CCDC171: variants seen among roughly 807,000 people sequenced by gnomAD.
The protein encoded by CCDC171 is coiled-coil domain-containing protein 171.
A neutral mutation model predicts 168.2 loss-of-function variants in CCDC171; 177 were observed. The ratio of observed to expected loss-of-function variants is 1.05; its 90% confidence interval spans 0.93 to 1.19. CCDC171 has a LOEUF of 1.19. Among genes scored for constraint, CCDC171 ranks in the 50% most tolerant of loss-of-function variants. CCDC171 has a pLI of 0.00. For missense variants in CCDC171, 1,991 were observed against 1,539.0 expected, an observed-to-expected ratio of 1.29 and a Z score of -4.91; for synonymous variants, 687 against 540.8, an observed-to-expected ratio of 1.27 and a Z score of -3.75.
At chr9:16,073,630 AC>A in the CCDC171 span, among the ~76,000 whole-genome samples, 1 of 152,182 alleles carries the variant, frequency 6.6e-6, no homozygotes, top group African/African-American at 2.4e-5. Context: ...AGAATGAGGG[AC>A]CAGAAGCTAA....
At chr9:15,636,538 C>T (rs1407174244) in intron 7 of CCDC171, among the ~76,000 whole-genome samples, 1 of 151,710 alleles carries the variant, frequency 6.6e-6, no homozygotes, top group Non-Finnish European at 1.5e-5. Flanking sequence ...CACTTGAGAC[C>T]AGGAGTTCAA....
intron 21 of CCDC171, among the ~76,000 whole-genome samples, chr9:15,804,790 C>T (rs527892209): frequency 2.8e-4 from 43 of 152,160 alleles, no homozygotes; most frequent in Non-Finnish European, 2.9e-5. Flanking sequence ...TGGGAGGAAT[C>T]TCTCCTCCTC....
rs141505129 is a variant in CCDC171, at chr9:15,652,832, A to G, written c.823-4295A>G. Among the ~76,000 whole-genome samples the G allele has an allele frequency of 4.7e-4, 72 of 152,250 alleles. 1 individual carries two copies. Among genetic ancestry groups the G allele is most frequent in the African/African-American group, 1.6e-3 (68 of 41,540 alleles). ...TCAAGATTGTCATGTTAACGTTTTG[A>G]TAAGTCTTTAGTAAAGAAAATTGTT... On this transcript the variant is annotated intron_variant, in intron 7 of 25. Coordinates refer to ENST00000380701, the MANE Select transcript of CCDC171 (RefSeq NM_173550.4).
At chr9:15,841,349 G>A (rs1019166934) in intron 21 of CCDC171, among the ~76,000 whole-genome samples, 2 of 152,012 alleles carry the variant, frequency 1.3e-5, no homozygotes, top group Admixed American at 1.3e-4. Context: ...AGAACAGTCT[G>A]TAATGACGTT....
chr9:15,744,851 T>C, intron 17 of CCDC171, 74 bp downstream of exon 17: 1 of 1,415,628 alleles, frequency 7.1e-7, no homozygotes, highest in South Asian at 1.4e-5. Flanking sequence ...CTGGCTATTA[T>C]GGAAAAACTC....
At chr9:15,953,504 T>C (rs1266320031) in intron 25 of CCDC171, among the ~76,000 whole-genome samples, 1 of 152,194 alleles carries the variant, frequency 6.6e-6, no homozygotes, top group Non-Finnish European at 1.5e-5. Context: ...TATGTTGAGC[T>C]CTCCTTGCAT....
chr9:15,958,838 G>T (rs1257650372), intron 25 of CCDC171, among the ~76,000 whole-genome samples: 1 of 152,062 alleles, frequency 6.6e-6, no homozygotes, highest in Admixed American at 6.6e-5. Context: ...CATAACAGAA[G>T]GTGTCACAGA....
At chr9:15,787,391 G>A (rs1402953191) in intron 21 of CCDC171, among the ~76,000 whole-genome samples, 1 of 151,930 alleles carries the variant, frequency 6.6e-6, no homozygotes, top group Non-Finnish European at 1.5e-5. Flanking sequence ...ACAGCTTCTG[G>A]TAATCACTTC....
chr9:16,095,869 CAT>C, the CCDC171 span, among the ~76,000 whole-genome samples: 26,700 of 123,558 alleles, frequency 0.22, 2,809 homozygotes, highest in Middle Eastern at 0.29. Context: ...CACATAGGCA[CAT>C]ATATATATAT....
At chr9:15,990,587 A>G (rs1444165306) in intron 3 of CCDC171, among the ~76,000 whole-genome samples, 1 of 152,192 alleles carries the variant, frequency 6.6e-6, no homozygotes, top group East Asian at 1.9e-4. Context: ...ATTAACCATA[A>G]ATGTAAATGG....
chr9:15,566,844 T>C (rs1220045155), intron 2 of CCDC171, among the ~76,000 whole-genome samples: 5 of 152,202 alleles, frequency 3.3e-5, no homozygotes, highest in African/African-American at 1.2e-4. Flanking sequence ...AGTTACTTTT[T>C]GTACGAGGTA....
At chr9:16,043,027 C>A (rs1009660851) in intron 1 of CCDC171, 1 of 152,172 alleles carries the variant, frequency 6.6e-6, no homozygotes, top group African/African-American at 2.4e-5. Context: ...GAGTGCCAGG[C>A]TTCCAGGTGG....
chr9:15,866,899 G>T (rs1458050304), intron 23 of CCDC171, among the ~76,000 whole-genome samples: 1 of 151,970 alleles, frequency 6.6e-6, no homozygotes, highest in Admixed American at 6.6e-5. Flanking sequence ...AATGTTTGTG[G>T]AATGAGTCAA....
chr9:15,595,477 C>T (rs1587257145), intron 6 of CCDC171, among the ~76,000 whole-genome samples: 2 of 152,286 alleles, frequency 1.3e-5, no homozygotes, highest in East Asian at 3.9e-4. Context: ...AGGACATGAA[C>T]TTATCCTTTT....
chr9:15,980,742 G>GTT lies in CCDC171; in HGVS notation n.369-39835_369-39834dup, dbSNP rs778644493. On this transcript the variant is annotated intron_variant and non_coding_transcript_variant, in intron 3 of 9. Coordinates refer to the CCDC171 transcript ENST00000486641. Reference sequence around the variant, plus strand: ...GATATTCTTGGGTGTTGCTCATTTGGTTTTTTTTTTTTTAATAACTATTTC... The same window carrying GTT: ...GATATTCTTGGGTGTTGCTCATTTGGTTTTTTTTTTTTTTTAATAACTATTTC... 8.3e-3 allele frequency among the ~76,000 whole-genome samples: 1,171 copies of GTT among 141,710 alleles called. 15 individuals carry two copies. The highest frequency in any genetic ancestry group is 0.028 in the African/African-American group (1,099 of 38,582). 93.0% of individuals were successfully genotyped at this position (141,710 alleles called of 152,430 possible).
chr9:15,623,475 G>GCGCGCGCGCGCGCGCACACACA lies in CCDC171; in HGVS notation c.822+63_822+64insGCGCGCGCGCGCGCACACACAC. On this transcript the variant is annotated intron_variant, in intron 7 of 25. Coordinates refer to ENST00000380701, the MANE Select transcript of CCDC171 (RefSeq NM_173550.4). ...CAAACTTTCACATATGCGCGCGCGC[G>GCGCGCGCGCGCGCGCACACACA]CACACACACACACACACACACACAC... is the stretch of plus-strand genomic sequence containing the variant. 160 of 315,448 alleles carry GCGCGCGCGCGCGCGCACACACA rather than the reference G, an allele frequency of 5.1e-4. 1 individual carries two copies. Among genetic ancestry groups the GCGCGCGCGCGCGCGCACACACA allele is most frequent in the Admixed American group, 9.6e-4 (19 of 19,766 alleles). The allele number at this position is 315,448 out of a possible 1,614,324, so 19.5% of individuals were successfully genotyped here.
chr9:15,932,722 A>G (rs554678795), intron 25 of CCDC171, among the ~76,000 whole-genome samples: 1 of 151,978 alleles, frequency 6.6e-6, no homozygotes, highest in South Asian at 2.1e-4. Flanking sequence ...TCCCCATGCA[A>G]TATGATGTTA....
chr9:15,600,599 A>T (rs185143134), intron 6 of CCDC171, among the ~76,000 whole-genome samples: 11 of 152,254 alleles, frequency 7.2e-5, no homozygotes, highest in Non-Finnish European at 1.3e-4. Context: ...CCACTTGAGG[A>T]TGCAGTCTGT....
chr9:16,012,046 C>A (rs1453093790), intron 3 of CCDC171, among the ~76,000 whole-genome samples: 1 of 152,146 alleles, frequency 6.6e-6, no homozygotes, highest in African/African-American at 2.4e-5. Context: ...AGCATCAGAT[C>A]CCCTTGTGGA....
Sources: gnomAD v4.1 joint callset for allele counts (sites outside exome capture counted in the v4.1 genomes callset) on GRCh38, gnomAD v4.1.1 for gene constraint, MANE v1.5 for transcripts, NCBI Gene and HGNC (gene_info 2026-07-23, HGNC 2026-07-21) for gene names.